The following ZFHX3 variants were observed in gnomAD, a reference collection of about 807,000 sequenced individuals.
The protein encoded by ZFHX3 is zinc finger homeobox 3.
Under a neutral mutation model 279.1 loss-of-function variants are expected in ZFHX3, and 42 were observed. The observed-to-expected ratio is 0.15, with a 90% CI of 0.12 to 0.19. ZFHX3 has a LOEUF of 0.19. Among genes scored for constraint, ZFHX3 ranks in the 10% least tolerant of loss-of-function variants. The pLI is 1.00. For synonymous variants in ZFHX3, 2,293 were observed against 1,957.8 expected (o/e 1.17, Z -4.52); for missense variants, 4,981 against 4,754.0 (o/e 1.05, Z -1.40).
At chr16:73,098,225 A>C (rs9940606) in intron 7 of ZFHX3, among the ~76,000 whole-genome samples, 2 of 151,568 alleles carry the variant, frequency 1.3e-5, no homozygotes, top group Admixed American at 1.3e-4. Context: ...GGGCCACCAG[A>C]CCCAGTTAAT....
In ZFHX3 at chr16:73,485,562, G is replaced by C. The variant is rs74574475; in HGVS notation, c.-1546-29304C>G. On this transcript the variant is annotated intron_variant, in intron 2 of 17. Transcript: ENST00000641206. ...TTCTAGGTCCACCCCTTGACATGCT[G>C]ATAAGGGCTGCAGTGTCCAGTACCC... Among the ~76,000 whole-genome samples the C allele has an allele frequency of 7.6e-3, 1,161 of 152,238 alleles. 5 individuals are homozygous for C. The highest frequency in any genetic ancestry group is 0.011 in the Non-Finnish European group (774 of 68,016).
intron 4 of ZFHX3, among the ~76,000 whole-genome samples, chr16:72,851,230 T>C (rs919956128): frequency 6.6e-6 from 1 of 151,826 alleles, no homozygotes; most frequent in Non-Finnish European, 1.5e-5. Flanking sequence ...GACCAACAGA[T>C]ACCAGGAAGA....
chr16:72,884,023 C>CA (rs57103961), intron 4 of ZFHX3, among the ~76,000 whole-genome samples: 3,453 of 127,332 alleles, frequency 0.027, 76 homozygotes, highest in African/African-American at 0.067. Flanking sequence ...TAGCTATTTA[C>CA]AAAAAAAAAA....
chr16:73,506,943 T>C (rs1332799737), intron 2 of ZFHX3, among the ~76,000 whole-genome samples: 1 of 152,198 alleles, frequency 6.6e-6, no homozygotes, highest in Admixed American at 6.5e-5. Flanking sequence ...CGGCGTGTAA[T>C]AGACGGTATT....
intron 2 of ZFHX3, among the ~76,000 whole-genome samples, chr16:73,594,202 T>C (rs746334382): frequency 3.3e-4 from 50 of 152,194 alleles, no homozygotes; most frequent in Non-Finnish European, 6.6e-4. Context: ...TAAACAATTA[T>C]ATTTTTATAA....
At chr16:72,933,016 A>G (rs764649215) in intron 3 of ZFHX3, among the ~76,000 whole-genome samples, 36 of 152,066 alleles carry the variant, frequency 2.4e-4, no homozygotes, top group Non-Finnish European at 4.1e-4. Flanking sequence ...AAACCCCAAG[A>G]GCTATCTGGG....
At chr16:73,752,514 T>C (rs1345141220) in intron 1 of ZFHX3, among the ~76,000 whole-genome samples, 2 of 152,202 alleles carry the variant, frequency 1.3e-5, no homozygotes, top group African/African-American at 4.8e-5. Flanking sequence ...GTGTTGGTTT[T>C]CTTCTCAGAT....
At chr16:73,340,524 T>C (rs749249932) in intron 3 of ZFHX3, among the ~76,000 whole-genome samples, 1 of 152,206 alleles carries the variant, frequency 6.6e-6, no homozygotes, top group Non-Finnish European at 1.5e-5. Context: ...GTCCAGCTAC[T>C]TTGGTTTTTT....
intron 3 of ZFHX3, among the ~76,000 whole-genome samples, chr16:73,323,533 A>T (rs1249192190): frequency 6.6e-6 from 1 of 152,238 alleles, no homozygotes; most frequent in East Asian, 1.9e-4. Flanking sequence ...GGAAGTAATA[A>T]GTATGGACCA....
intron 3 of ZFHX3, among the ~76,000 whole-genome samples, chr16:73,419,229 T>C (rs1269204169): frequency 6.6e-6 from 1 of 152,234 alleles, no homozygotes. Context: ...GCAGATAGTA[T>C]GCTAAGTGCG....
chr16:73,225,431 C>A (rs1445342606), intron 5 of ZFHX3, among the ~76,000 whole-genome samples: 2 of 151,908 alleles, frequency 1.3e-5, no homozygotes, highest in African/African-American at 2.4e-5. Context: ...GCCTGGGCAA[C>A]ATAGGGAGAT....
chr16:73,632,122 A>C (rs1438285021), intron 2 of ZFHX3, among the ~76,000 whole-genome samples: 1 of 152,220 alleles, frequency 6.6e-6, no homozygotes, highest in Non-Finnish European at 1.5e-5. Context: ...TGTTTTCACT[A>C]AAGTGGCTGC....
rs1011454874 is a variant in ZFHX3 at position 72,960,128 on chromosome 16, C to T, written c.18G>A (p.Ser6=). The T allele has an allele frequency of 1.9e-6, 3 of 1,581,578 alleles. No individual in the cohort carries two copies. The highest frequency in any genetic ancestry group is 2.7e-5 in the African/African-American group (2 of 74,120). ...CATTGTCCTTCCCCGAGACGACGGGCGAGTCACAGCCTTCCATGGTAAGGC... is the reference window on the plus strand; with the variant it reads ...CATTGTCCTTCCCCGAGACGACGGGTGAGTCACAGCCTTCCATGGTAAGGC... MEGCD[S]PVVSGKDNGC... is the part of the protein sequence containing the mutation. Residue 6 remains serine, a synonymous_variant, in exon 2 of 10, where the codon TCG becomes TCA. Transcript: ENST00000268489.
chr16:73,144,017 G>C (rs956236567), intron 5 of ZFHX3, among the ~76,000 whole-genome samples: 1 of 152,124 alleles, frequency 6.6e-6, no homozygotes, highest in African/African-American at 2.4e-5. Flanking sequence ...AAATGACACA[G>C]TTCCCTGTAT....
intron 1 of ZFHX3, among the ~76,000 whole-genome samples, chr16:73,854,649 A>G (rs893776957): frequency 2.0e-5 from 3 of 151,894 alleles, no homozygotes; most frequent in Non-Finnish European, 4.4e-5. Context: ...CTCTGGTTAA[A>G]TAGAAAAAAA....
intron 5 of ZFHX3, among the ~76,000 whole-genome samples, chr16:73,210,460 G>C (rs2011973765): frequency 6.6e-6 from 1 of 152,106 alleles, no homozygotes; most frequent in Non-Finnish European, 1.5e-5. Context: ...ATTGCATTGA[G>C]TTGCTTATCA....
At position 72,794,552 on chromosome 16, in the gene ZFHX3, G is replaced by A; in HGVS notation, c.8130C>T (p.His2710=). The A allele has an allele frequency of 6.2e-7, 1 of 1,614,226 alleles. No homozygotes were observed. Among genetic ancestry groups the A allele is most frequent in the Middle Eastern group, 1.6e-4 (1 of 6,062 alleles). The change falls in exon 9 of 10, where the codon CAC becomes CAT. Residue 2710 remains histidine (H), a synonymous_variant. Coordinates refer to ENST00000268489, the MANE Select transcript of ZFHX3 (RefSeq NM_006885.4). The surrounding 1 kb of genome is among the most constrained non-coding windows in gnomAD (Gnocchi z 4.2). ...GCGCTCTGCAAAAAGGGCATCTCCTGTGGGCCTGCGCTGGGCCTACAGCCC... is the reference window on the plus strand; with the variant it reads ...GCGCTCTGCAAAAAGGGCATCTCCTATGGGCCTGCGCTGGGCCTACAGCCC... ...QFRAVGPAQA[H]RRCPFCRALF... is the part of the protein sequence containing the mutation.
chr16:72,870,932 T>TAAG (rs2038145967), intron 4 of ZFHX3, among the ~76,000 whole-genome samples: 1 of 152,158 alleles, frequency 6.6e-6, no homozygotes, highest in Non-Finnish European at 1.5e-5. Context: ...CACACTAACT[T>TAAG]ATTTTGATGT....
intron 4 of ZFHX3, among the ~76,000 whole-genome samples, chr16:73,286,027 G>A (rs1359199370): frequency 1.3e-5 from 2 of 152,156 alleles, no homozygotes; most frequent in Non-Finnish European, 2.9e-5. Context: ...CAGAAAAGCA[G>A]CCTCCGCCTG....
Sources: allele counts gnomAD v4.1 joint callset (sites outside exome capture counted in the v4.1 genomes callset), GRCh38; gene constraint gnomAD v4.1.1; non-coding constraint Gnocchi (gnomAD v3.1); transcripts MANE v1.5; gene names NCBI Gene and HGNC (gene_info 2026-07-23, HGNC 2026-07-21).